SCNM1: variants seen among roughly 807,000 people sequenced by gnomAD.
SCNM1 encodes the protein sodium channel modifier 1.
SCNM1 carries 24 observed loss-of-function variants against 32.8 expected under a neutral mutation model. The observed-to-expected ratio is 0.73, with a 90% CI of 0.53 to 1.03. SCNM1 has a LOEUF of 1.03. SCNM1 is among the 50% of genes least tolerant of loss of function. The pLI is 0.00. For synonymous variants in SCNM1, 99 were observed against 103.2 expected (o/e 0.96, Z 0.25); for missense variants, 274 against 282.3 (o/e 0.97, Z 0.21).
Position 151,169,981 on chromosome 1 carries a change from G to T in SCNM1, c.*896G>T. ...CCCCAAAGCCCAAGGAAGGAGGCAG[G>T]CAAAATGGATAGAAGGGCTTTTATT... On this transcript the variant is annotated 3_prime_UTR_variant, in exon 7 of 7. Coordinates refer to ENST00000368905, the MANE Select transcript of SCNM1 (RefSeq NM_024041.4). 1 of 1,449,844 alleles carries T rather than the reference G, an allele frequency of 6.9e-7. No individual in the cohort carries two copies. The highest frequency in any genetic ancestry group is 9.7e-7 in the Non-Finnish European group (1 of 1,034,530). 89.8% of individuals were successfully genotyped at this position (1,449,844 alleles called of 1,614,324 possible). A position where few individuals can be genotyped will look rare whatever the true frequency, so the allele number is the denominator to read the frequency against.
chr1:151,169,918 C>G lies in SCNM1; in HGVS notation c.*833C>G, dbSNP rs1683892817. ...AGAGTATAAATAATCCCCTGGTGAACTGGCAGTAACCCTTGGGGGTTAGCG... is the reference window on the plus strand; with the variant it reads ...AGAGTATAAATAATCCCCTGGTGAAGTGGCAGTAACCCTTGGGGGTTAGCG... On this transcript the variant is annotated 3_prime_UTR_variant, in exon 7 of 7. Coordinates refer to ENST00000368905, the MANE Select transcript of SCNM1 (RefSeq NM_024041.4). 1.4e-5 allele frequency: 10 copies of G among 729,678 alleles called. No homozygotes were observed. The highest frequency in any genetic ancestry group is 5.8e-4 in the Middle Eastern group (2 of 3,464). 45.2% of individuals were successfully genotyped at this position (729,678 alleles called of 1,614,324 possible). A position where few individuals can be genotyped will look rare whatever the true frequency, so the allele number is the denominator to read the frequency against.
intron 2 of SCNM1, 191 bp downstream of exon 2, chr1:151,166,732 C>A: frequency 8.2e-7 from 1 of 1,217,674 alleles, no homozygotes; most frequent in Non-Finnish European, 1.1e-6. Context: ...CCACGCCTGG[C>A]TTCAACAAAC....
intron 2 of SCNM1, 163 bp downstream of exon 2, chr1:151,166,704 G>T: frequency 7.6e-7 from 1 of 1,308,734 alleles, no homozygotes; most frequent in Non-Finnish European, 1.0e-6. Flanking sequence ...GATTAGCTGG[G>T]TTTACAAGCG....
Position 151,169,214 on chromosome 1 carries a change from T to G in SCNM1, c.*129T>G. On this transcript the variant is annotated 3_prime_UTR_variant, in exon 7 of 7. Transcript: ENST00000368905. ...ATTCTCATTCCAACTACTCCTTGCC[T>G]GCAAGGTACACAGCTCTCCACACTC... is the stretch of plus-strand genomic sequence containing the variant. 13 of 858,222 alleles carry G rather than the reference T, an allele frequency of 1.5e-5. No homozygotes were observed. Among genetic ancestry groups the G allele is most frequent in the Non-Finnish European group, 2.2e-5 (12 of 557,882 alleles). The allele number at this position is 858,222 out of a possible 1,614,324, so 53.2% of individuals were successfully genotyped here.
At position 151,170,091 on chromosome 1, in the gene SCNM1, T is replaced by C; in HGVS notation, c.*1006T>C. The C allele has an allele frequency of 3.1e-6, 5 of 1,614,206 alleles. No homozygotes were observed. Among genetic ancestry groups the C allele is most frequent in the Non-Finnish European group, 4.2e-6 (5 of 1,180,030 alleles). On this transcript the variant is annotated 3_prime_UTR_variant, in exon 7 of 7. Coordinates refer to ENST00000368905, the MANE Select transcript of SCNM1 (RefSeq NM_024041.4). ...AAGGGAAATGCAGTGTTATCTCTTC[T>C]TTTGCTGGCGACCTGTAAAGGAGCA... is the stretch of plus-strand genomic sequence containing the variant.
intron 6 of SCNM1, 142 bp downstream of exon 6, chr1:151,168,480 C>T (rs1683815819): frequency 9.6e-6 from 12 of 1,249,098 alleles, no homozygotes; most frequent in South Asian, 1.7e-5. Context: ...ACGCTCTCGG[C>T]TCACTGTAAC....
Position 151,168,271 on chromosome 1 carries a change from G to C in SCNM1, c.526G>C (p.Val176Leu). The change falls in exon 6 of 7, where the codon GTC becomes CTC. Residue 176 changes from valine to leucine, a missense_variant. Physicochemically the swap from Val to Leu is conservative, Grantham distance 32. Transcript: ENST00000368905. ...CCCACAGGCCGAGGAGTCAGCAACT[G>C]TCTCAGCCCCTGCACCCATGAGCCC... ...AGPQAEESAT[V>L]SAPAPMSPTR... is the part of the protein sequence containing the mutation. 1 of 1,614,210 alleles carries C rather than the reference G, an allele frequency of 6.2e-7. No homozygotes were observed. Among genetic ancestry groups the C allele is most frequent in the Non-Finnish European group, 8.5e-7 (1 of 1,180,034 alleles).
At position 151,167,165 on chromosome 1, in the gene SCNM1, A is replaced by C. The variant is rs1558205318; in HGVS notation, c.256A>C (p.Lys86Gln). ...YGKKQPGKER[K>Q]QNPKHQNELR... ...CAAGAAGCAGCCGGGAAAGGAAAGAAAGCAGAATCCAAAACATCAGAATGA... is the reference window on the plus strand; with the variant it reads ...CAAGAAGCAGCCGGGAAAGGAAAGACAGCAGAATCCAAAACATCAGAATGA... Residue 86 changes from lysine (K) to glutamine (Q), a missense_variant, in exon 4 of 7, where the codon AAG becomes CAG. Physicochemically the swap from Lys to Gln is moderately conservative, Grantham distance 53. Coordinates refer to ENST00000368905, the MANE Select transcript of SCNM1 (RefSeq NM_024041.4). 1.2e-6 allele frequency: 2 copies of C among 1,614,226 alleles called. No individual in the cohort carries two copies. The highest frequency in any genetic ancestry group is 1.7e-6 in the Non-Finnish European group (2 of 1,180,036).
At position 151,169,174 on chromosome 1, in the gene SCNM1, A is replaced by G; in HGVS notation, c.*89A>G. 7.0e-7 allele frequency: 1 copy of G among 1,424,094 alleles called. No homozygotes were observed. The highest frequency in any genetic ancestry group is 2.6e-5 in the East Asian group (1 of 38,734). The allele number at this position is 1,424,094 out of a possible 1,614,324, so 88.2% of individuals were successfully genotyped here. A position where few individuals can be genotyped will look rare whatever the true frequency, so the allele number is the denominator to read the frequency against. ...GTCTGGTTCCTTGTTGGATCTCAGGATTTCAGATCTGTTCATTCTCATTCC... is the reference window on the plus strand; with the variant it reads ...GTCTGGTTCCTTGTTGGATCTCAGGGTTTCAGATCTGTTCATTCTCATTCC... On this transcript the variant is annotated 3_prime_UTR_variant, in exon 7 of 7. Coordinates refer to ENST00000368905, the MANE Select transcript of SCNM1 (RefSeq NM_024041.4).
rs1301439412 is a variant in SCNM1 at position 151,169,829 on chromosome 1, C to T, written c.*744C>T. The stretch of plus-strand genomic sequence containing the variant: ...AAGGCATTGGCAGGGTTATGGGGAA[C>T]ACCAAGGGAGGGAACACCCCCACCT... On this transcript the variant is annotated 3_prime_UTR_variant, in exon 7 of 7. Transcript: ENST00000368905. 1 of 522,574 alleles carries T rather than the reference C, an allele frequency of 1.9e-6. No homozygotes were observed. The highest frequency in any genetic ancestry group is 3.4e-6 in the Non-Finnish European group (1 of 289,984). The allele number at this position is 522,574 out of a possible 1,614,324, so 32.4% of individuals were successfully genotyped here.
At chr1:151,167,500 T>TACAC in intron 5 of SCNM1, 86 bp downstream of exon 5, 4 of 1,544,134 alleles carry the variant, frequency 2.6e-6, no homozygotes, top group Non-Finnish European at 3.6e-6. Context: ...TTCTGAGGAA[T>TACAC]ACTAGTGTTC....
Position 151,166,963 on chromosome 1 carries a change from C to T in SCNM1, c.152C>T (p.Pro51Leu). ...GCTTGTGCCATCTGCCCCCATCGAC[C>T]GGTACTGGACACCCTGGCCATGCTG... Reference protein sequence around the residue: ...RFACAICPHRPVLDTLAMLTA... With the variant: ...RFACAICPHRLVLDTLAMLTA... Residue 51 changes from proline to leucine, a missense_variant, in exon 3 of 7, where the codon CCG becomes CTG. By Grantham distance (98) the Pro-to-Leu change is moderately conservative. Transcript: ENST00000368905. The T allele has an allele frequency of 6.2e-7, 1 of 1,614,112 alleles. No homozygotes were observed. The highest frequency in any genetic ancestry group is 8.5e-7 in the Non-Finnish European group (1 of 1,180,034).
At chr1:151,167,066 C>G (rs1349385038) in intron 3 of SCNM1, 44 bp downstream of exon 3, 3 of 1,614,060 alleles carry the variant, frequency 1.9e-6, no homozygotes, top group Non-Finnish European at 2.5e-6. Context: ...CCCTCGAAAT[C>G]TCTGCACACC....
At position 151,169,799 on chromosome 1, in the gene SCNM1, G is replaced by A; in HGVS notation, c.*714G>A. On this transcript the variant is annotated 3_prime_UTR_variant, in exon 7 of 7. Coordinates refer to ENST00000368905, the MANE Select transcript of SCNM1 (RefSeq NM_024041.4). ...CTAAGTTCCCTGTGAAAGTAGAAGA[G>A]TCAAAAGGCATTGGCAGGGTTATGG... 1 of 455,428 alleles carries A rather than the reference G, an allele frequency of 2.2e-6. No homozygotes were observed. Among genetic ancestry groups the A allele is most frequent in the Non-Finnish European group, 4.0e-6 (1 of 250,994 alleles). 28.2% of individuals were successfully genotyped at this position (455,428 alleles called of 1,614,324 possible). A position where few individuals can be genotyped will look rare whatever the true frequency, so the allele number is the denominator to read the frequency against.
At chr1:151,168,918 G>A (rs1683846285) in intron 6 of SCNM1, 68 bp from the exon 7 acceptor site, 3 of 1,553,032 alleles carry the variant, frequency 1.9e-6, no homozygotes, top group Non-Finnish European at 2.6e-6. Context: ...GATTACTGGT[G>A]TGAGCTCACC....
In SCNM1 at chr1:151,169,261, T is replaced by G. The variant is rs946710457; in HGVS notation, c.*176T>G. On this transcript the variant is annotated 3_prime_UTR_variant, in exon 7 of 7. Transcript: ENST00000368905. ...ACTCCTTTTTTTTTTTTTTTTTTTT[T>G]TGAGGCAGAGTCTCGCTCTATCGCC... is the stretch of plus-strand genomic sequence containing the variant. 3 of 587,912 alleles carry G rather than the reference T, an allele frequency of 5.1e-6. No individual in the cohort carries two copies. In the African/African-American group the frequency reaches 5.8e-5, roughly 11 times the overall value. The allele number at this position is 587,912 out of a possible 1,614,324, so 36.4% of individuals were successfully genotyped here. A position where few individuals can be genotyped will look rare whatever the true frequency, so the allele number is the denominator to read the frequency against.
chr1:151,166,975 C>T lies in SCNM1; in HGVS notation c.164C>T (p.Thr55Ile), dbSNP rs1352552595. The part of the protein sequence containing the change: ...AICPHRPVLD[T>I]LAMLTAHRAG... The stretch of plus-strand genomic sequence containing the variant: ...TGCCCCCATCGACCGGTACTGGACA[C>T]CCTGGCCATGCTGACTGCCCACCGT... The change falls in exon 3 of 7, where the codon ACC (threonine) becomes ATC (isoleucine). Residue 55 changes from threonine (T) to isoleucine (I), a missense_variant. Physicochemically the swap from Thr to Ile is moderately conservative, Grantham distance 89. Transcript: ENST00000368905. The T allele has an allele frequency of 2.5e-6, 4 of 1,613,960 alleles. No homozygotes were observed. Among genetic ancestry groups the T allele is most frequent in the Non-Finnish European group, 3.4e-6 (4 of 1,180,018 alleles).
In SCNM1 at chr1:151,169,935, G is replaced by T; in HGVS notation, c.*850G>T. 1.1e-6 allele frequency: 1 copy of T among 870,608 alleles called. No individual in the cohort carries two copies. The highest frequency in any genetic ancestry group is 2.5e-5 in the East Asian group (1 of 40,294). 53.9% of individuals were successfully genotyped at this position (870,608 alleles called of 1,614,324 possible). A position where few individuals can be genotyped will look rare whatever the true frequency, so the allele number is the denominator to read the frequency against. ...CTGGTGAACTGGCAGTAACCCTTGG[G>T]GGTTAGCGCCAAGATTCTCACCCCA... On this transcript the variant is annotated 3_prime_UTR_variant, in exon 7 of 7. Transcript: ENST00000368905.
In SCNM1 at chr1:151,168,128, A is replaced by C. The variant is rs1052546570; in HGVS notation, c.399-16A>C. 1.9e-6 allele frequency: 3 copies of C among 1,589,388 alleles called. No homozygotes were observed. In the African/African-American group the frequency reaches 4.1e-5, roughly 22 times the overall value. ...CTTTCCCTTACTGCTTTTACAGACTATTCTTCTCTACCTAGACCAGAAGCC... is the reference window on the plus strand; with the variant it reads ...CTTTCCCTTACTGCTTTTACAGACTCTTCTTCTCTACCTAGACCAGAAGCC... On this transcript the variant is annotated splice_polypyrimidine_tract_variant and intron_variant, in intron 5 of 6. Transcript: ENST00000368905.
Sources: gnomAD v4.1 joint callset for allele counts on GRCh38, gnomAD v4.1.1 for gene constraint, MANE v1.5 for transcripts, NCBI Gene and HGNC (gene_info 2026-07-23, HGNC 2026-07-21) for gene names.